The following TRAPPC10 variants were observed in gnomAD, a reference collection of about 807,000 sequenced individuals.
TRAPPC10 encodes trafficking protein particle complex subunit 10.
TRAPPC10 carries 23 observed loss-of-function variants against 125.5 expected under a neutral mutation model. The ratio of observed to expected loss-of-function variants is 0.18; its 90% confidence interval spans 0.13 to 0.26. The LOEUF (loss-of-function observed/expected upper bound fraction) is 0.26. Ranked by LOEUF, TRAPPC10 falls within the 10% of genes least tolerant of loss-of-function variation. The probability of loss-of-function intolerance (pLI) is 1.00; values close to 1 mark genes in which losing one functional copy is unlikely to be tolerated. For synonymous variants in TRAPPC10, 509 were observed against 518.0 expected (o/e 0.98, Z 0.24); for missense variants, 1,123 against 1,308.4 (o/e 0.86, Z 2.19).
intron 7 of TRAPPC10, among the ~76,000 whole-genome samples, chr21:44,064,303 ATGTGTGTGTGTGTGTGTG>A (rs10526131): frequency 1.0e-4 from 15 of 148,212 alleles, no homozygotes; most frequent in African/African-American, 3.4e-4. Flanking sequence ...TGTCATAAAT[ATGTGTGTGTGTGTGTGTG>A]TGTGTGTGTG....
chr21:44,034,061 G>A (rs1441373763), intron 2 of TRAPPC10, among the ~76,000 whole-genome samples: 1 of 152,186 alleles, frequency 6.6e-6, no homozygotes, highest in East Asian at 1.9e-4. Flanking sequence ...AGGAGGCAGC[G>A]GAGGCCGCAG....
At chr21:44,079,454 C>G in intron 11 of TRAPPC10, 110 bp from the exon 12 acceptor site, 2 of 1,269,422 alleles carry the variant, frequency 1.6e-6, no homozygotes, top group Non-Finnish European at 2.1e-6. Context: ...GATGTTGAGT[C>G]TGTCCTGGCA....
chr21:44,012,645 C>T lies in TRAPPC10; in HGVS notation c.67+85C>T, dbSNP rs887388820. The T allele has an allele frequency of 4.8e-6, 6 of 1,242,756 alleles. No individual in the cohort carries two copies. The African/African-American group carries it at 7.8e-5, about 16-fold the overall frequency. The allele number at this position is 1,242,756 out of a possible 1,614,324, so 77.0% of individuals were successfully genotyped here. A position where few individuals can be genotyped will look rare whatever the true frequency, so the allele number is the denominator to read the frequency against. ...TATGCACCCGGCGCCCCCAGACCTT[C>T]AGCCCCCGGCGCGCTCCGGGCTGGG... On this transcript the variant is annotated intron_variant, in intron 1 of 22. Transcript: ENST00000291574.
chr21:44,023,071 C>T (rs1327053201), intron 1 of TRAPPC10, among the ~76,000 whole-genome samples: 11 of 114,152 alleles, frequency 9.6e-5, no homozygotes, highest in Non-Finnish European at 1.5e-4. Flanking sequence ...CTTGCTCTGT[C>T]GCCCATGCTG....
Position 44,091,908 on chromosome 21 carries a change from GT to G in TRAPPC10, c.2871-10del. The G allele has an allele frequency of 6.2e-7, 1 of 1,610,946 alleles. No homozygotes were observed. Among genetic ancestry groups the G allele is most frequent in the Non-Finnish European group, 8.5e-7 (1 of 1,178,778 alleles). Reference sequence around the variant, plus strand: ...CTTACATATCAAAATAATACTTTTTGTTTTTCCACTTTAGGAAATATGTTCA... The same window carrying G: ...CTTACATATCAAAATAATACTTTTTGTTTTCCACTTTAGGAAATATGTTCA... On this transcript the variant is annotated splice_polypyrimidine_tract_variant and intron_variant, in intron 18 of 22. Transcript: ENST00000291574.
intron 1 of TRAPPC10, among the ~76,000 whole-genome samples, chr21:44,026,025 G>GCC (rs1018491212): frequency 6.6e-6 from 1 of 151,984 alleles, no homozygotes; most frequent in African/African-American, 2.4e-5. Context: ...CAGAACTGTG[G>GCC]GAGGGTTCAT....
At chr21:44,076,230 A>AT (rs2037269210) in intron 9 of TRAPPC10, among the ~76,000 whole-genome samples, 1 of 152,254 alleles carries the variant, frequency 6.6e-6, no homozygotes, top group South Asian at 2.1e-4. Flanking sequence ...TAGTATTTAT[A>AT]TTTCATTGTT....
intron 4 of TRAPPC10, among the ~76,000 whole-genome samples, chr21:44,054,177 A>G (rs968800828): frequency 1.3e-5 from 2 of 152,216 alleles, no homozygotes; most frequent in Non-Finnish European, 2.9e-5. Context: ...GATAAATACA[A>G]GTTAGTCCTC....
chr21:44,031,793 C>T (rs909116966), intron 1 of TRAPPC10, among the ~76,000 whole-genome samples: 1 of 152,172 alleles, frequency 6.6e-6, no homozygotes, highest in Admixed American at 6.5e-5. Context: ...AGCAGGCTCC[C>T]TCTCCTAAGC....
rs59033671 is a variant in TRAPPC10 at position 44,080,543 on chromosome 21, C to CTT, written c.1723+427_1723+428dup. Among the ~76,000 whole-genome samples the CTT allele has an allele frequency of 6.3e-3, 893 of 140,694 alleles. 12 individuals are homozygous for CTT. The highest frequency in any genetic ancestry group is 0.024 in the African/African-American group (862 of 35,706). The allele number at this position is 140,694 out of a possible 152,430, so 92.3% of individuals were successfully genotyped here. A position where few individuals can be genotyped will look rare whatever the true frequency, so the allele number is the denominator to read the frequency against. The stretch of plus-strand genomic sequence containing the variant: ...CTTCCCATCTCTTTTTCTTCTTCTT[C>CTT]TTTTTTTTTTTTGAGACAGAGTCTC... On this transcript the variant is annotated intron_variant, in intron 13 of 22. Transcript: ENST00000291574.
At chr21:44,075,894 A>G (rs759739565) in intron 9 of TRAPPC10, among the ~76,000 whole-genome samples, 13 of 152,208 alleles carry the variant, frequency 8.5e-5, no homozygotes, top group Non-Finnish European at 1.8e-4. Context: ...TACTAAAAAT[A>G]CAAAATTAGC....
Position 44,059,004 on chromosome 21 carries a change from GC to G in TRAPPC10, c.679-98del. 1.3e-6 allele frequency: 1 copy of G among 792,806 alleles called. No individual in the cohort carries two copies. Among genetic ancestry groups the G allele is most frequent in the Non-Finnish European group, 2.0e-6 (1 of 509,586 alleles). The allele number at this position is 792,806 out of a possible 1,614,324, so 49.1% of individuals were successfully genotyped here. A position where few individuals can be genotyped will look rare whatever the true frequency, so the allele number is the denominator to read the frequency against. ...GCGGAGCGTAGACATTATTCATAGT[GC>G]TGCGTGCCTTTCTCTGTCGTTTAAT... On this transcript the variant is annotated intron_variant, in intron 5 of 22. Coordinates refer to ENST00000291574, the MANE Select transcript of TRAPPC10 (RefSeq NM_003274.5). The surrounding 1 kb of genome is among the most constrained non-coding windows in gnomAD (Gnocchi z 4.4).
chr21:44,012,585 C>G (rs1413135560), intron 1 of TRAPPC10, 25 bp downstream of exon 1: 1 of 1,527,076 alleles, frequency 6.5e-7, no homozygotes, highest in Non-Finnish European at 8.8e-7. Flanking sequence ...GCGGGGAGGG[C>G]GCGGCGGTCG....
Position 44,059,425 on chromosome 21 carries a change from G to A in TRAPPC10, c.790+211G>A. 1.4e-6 allele frequency: 1 copy of A among 704,360 alleles called. No individual in the cohort carries two copies. The highest frequency in any genetic ancestry group is 2.6e-6 in the Non-Finnish European group (1 of 382,520). The allele number at this position is 704,360 out of a possible 1,614,324, so 43.6% of individuals were successfully genotyped here. Reference sequence around the variant, plus strand: ...ATTTTCACTTTTAGAAGAATCTTAAGTAACAAAAATAATAATAATTTAAAA... The same window carrying A: ...ATTTTCACTTTTAGAAGAATCTTAAATAACAAAAATAATAATAATTTAAAA... On this transcript the variant is annotated intron_variant, in intron 6 of 22. Coordinates refer to ENST00000291574, the MANE Select transcript of TRAPPC10 (RefSeq NM_003274.5). The surrounding 1 kb of genome is among the most constrained non-coding windows in gnomAD (Gnocchi z 4.4).
chr21:44,083,807 T>C (rs1486037523), intron 14 of TRAPPC10, among the ~76,000 whole-genome samples: 1 of 152,220 alleles, frequency 6.6e-6, no homozygotes. Flanking sequence ...TTTGTCACAT[T>C]TTTTAGTCTA....
At chr21:44,029,904 G>A (rs944572953) in intron 1 of TRAPPC10, among the ~76,000 whole-genome samples, 11 of 152,200 alleles carry the variant, frequency 7.2e-5, no homozygotes, top group African/African-American at 2.7e-4. Flanking sequence ...GTAGGTTTTT[G>A]TGGGACACAG....
rs906598597 is a variant in TRAPPC10 at position 44,082,194 on chromosome 21, A to G, written c.1724-594A>G. Among the ~76,000 whole-genome samples the G allele has an allele frequency of 2.0e-5, 3 of 152,210 alleles. No individual in the cohort carries two copies. Among genetic ancestry groups the G allele is most frequent in the Admixed American group, 1.3e-4 (2 of 15,286 alleles). On this transcript the variant is annotated intron_variant, in intron 13 of 22. Coordinates refer to ENST00000291574, the MANE Select transcript of TRAPPC10 (RefSeq NM_003274.5). The surrounding 1 kb of genome is among the most constrained non-coding windows in gnomAD (Gnocchi z 4.4). Reference sequence around the variant, plus strand: ...TTCTGCAGCCTTGTGTATTTTCTAGACAAAACCAAGGTACTTACAGTTCGG... The same window carrying G: ...TTCTGCAGCCTTGTGTATTTTCTAGGCAAAACCAAGGTACTTACAGTTCGG...
intron 3 of TRAPPC10, among the ~76,000 whole-genome samples, chr21:44,040,325 A>G: frequency 2.0e-5 from 3 of 151,706 alleles, no homozygotes; most frequent in Middle Eastern, 6.9e-3. Context: ...ATTTTATTAG[A>G]GATTTTTAAA....
In TRAPPC10 at chr21:44,090,749, T is replaced by C. The variant is rs909321722; in HGVS notation, c.2870+816T>C. ...ACCACAACTTTTTATCCATTGATGA[T>C]GTGTGGATAATTTGGAAACAAAAAC... On this transcript the variant is annotated intron_variant, in intron 18 of 22. Coordinates refer to ENST00000291574, the MANE Select transcript of TRAPPC10 (RefSeq NM_003274.5). Among the ~76,000 whole-genome samples the C allele has an allele frequency of 2.6e-5, 4 of 152,338 alleles. No homozygotes were observed. In the East Asian group the frequency reaches 5.8e-4, roughly 22 times the overall value.
Sources: gnomAD v4.1 joint callset for allele counts (sites outside exome capture counted in the v4.1 genomes callset) on GRCh38, gnomAD v4.1.1 for gene constraint, Gnocchi (gnomAD v3.1) non-coding constraint, MANE v1.5 for transcripts, NCBI Gene and HGNC (gene_info 2026-07-23, HGNC 2026-07-21) for gene names.